IL16: variants seen among roughly 807,000 people sequenced by gnomAD.
The protein encoded by IL16 is interleukin 16.
IL16 carries 67 observed loss-of-function variants against 110.1 expected under a neutral mutation model. The ratio of observed to expected loss-of-function variants is 0.61; its 90% CI spans 0.50 to 0.75. The LOEUF (loss-of-function observed/expected upper bound fraction) is 0.75, where lower values mean the gene tolerates loss of function less well. Among genes scored for constraint, IL16 ranks in the 30% least tolerant of loss-of-function variants. IL16 has a pLI of 0.00. For missense variants in IL16, 1,545 were observed against 1,655.0 expected, an observed-to-expected ratio of 0.93 and a Z score of 1.15; for synonymous variants, 689 against 662.9, an observed-to-expected ratio of 1.04 and a Z score of -0.61.
At position 81,285,788 on chromosome 15, in the gene IL16, C is replaced by T. The variant is rs772041105; in HGVS notation, c.1290C>T (p.Pro430=). 3.6e-5 allele frequency: 58 copies of T among 1,614,016 alleles called. No homozygotes were observed. The highest frequency in any genetic ancestry group is 8.8e-5 in the South Asian group (8 of 91,082). The part of the protein sequence containing the change: ...EVYTILSHCD[P]GPVPIIVSRH... ...ACACGATCCTGAGTCACTGTGATCC[C>T]GGTCCAGTCCCCATCATTGTTAGCC... Residue 430 remains proline, a synonymous_variant, in exon 10 of 19, where the codon CCC becomes CCT. Coordinates refer to ENST00000683961, the MANE Select transcript of IL16 (RefSeq NM_172217.5).
intron 2 of IL16, among the ~76,000 whole-genome samples, chr15:81,247,530 A>C (rs1236498738): frequency 6.6e-6 from 1 of 152,224 alleles, no homozygotes; most frequent in African/African-American, 2.4e-5. Context: ...CATATTCACA[A>C]GAAGTTGCAA....
intron 1 of IL16, among the ~76,000 whole-genome samples, chr15:81,212,346 C>T (rs1482381155): frequency 6.6e-6 from 1 of 151,898 alleles, no homozygotes; most frequent in Non-Finnish European, 1.5e-5. Flanking sequence ...AGTTATAATA[C>T]CATCTTTATT....
At chr15:81,293,496 T>A (rs767645929) in intron 12 of IL16, among the ~76,000 whole-genome samples, 19 of 150,896 alleles carry the variant, frequency 1.3e-4, no homozygotes, top group Non-Finnish European at 2.4e-4. Flanking sequence ...AGCTCAGGAG[T>A]TCAAGACCAG....
chr15:81,298,088 G>A (rs1405679494), intron 13 of IL16, among the ~76,000 whole-genome samples: 1 of 152,188 alleles, frequency 6.6e-6, no homozygotes, highest in Non-Finnish European at 1.5e-5. Flanking sequence ...ACTCCAATCT[G>A]CAAAGGGCTT....
intron 11 of IL16, 73 bp downstream of exon 11, chr15:81,290,613 C>A: frequency 1.0e-6 from 1 of 987,706 alleles, no homozygotes; most frequent in Non-Finnish European, 1.6e-6. Flanking sequence ...TCCATTAACT[C>A]ATCCTCTATC....
intron 2 of IL16, among the ~76,000 whole-genome samples, chr15:81,231,372 CT>C (rs1291768098): frequency 1.5e-3 from 216 of 147,240 alleles, no homozygotes; most frequent in Non-Finnish European, 2.6e-3. Flanking sequence ...CTCTCTCTCT[CT>C]CTCTCTCTCC....
chr15:81,279,260 T>A (rs1899055544), intron 7 of IL16, among the ~76,000 whole-genome samples: 1 of 151,926 alleles, frequency 6.6e-6, no homozygotes, highest in Non-Finnish European at 1.5e-5. Flanking sequence ...TATCAATCAA[T>A]CTATCTATCT....
At chr15:81,200,126 G>T (rs1376010926) in intron 1 of IL16, among the ~76,000 whole-genome samples, 1 of 151,886 alleles carries the variant, frequency 6.6e-6, no homozygotes, top group Non-Finnish European at 1.5e-5. Flanking sequence ...GATTGCATCA[G>T]GTTCTTAGCA....
intron 14 of IL16, among the ~76,000 whole-genome samples, chr15:81,300,867 A>C (rs1028883762): frequency 6.6e-6 from 1 of 152,210 alleles, no homozygotes; most frequent in African/African-American, 2.4e-5. Context: ...ATCCATCAGG[A>C]ATTCTTACTC....
chr15:81,225,712 G>A lies in IL16; in HGVS notation c.312+1G>A. The A allele has an allele frequency of 6.3e-7, 1 of 1,597,202 alleles. No homozygotes were observed. The highest frequency in any genetic ancestry group is 8.6e-7 in the Non-Finnish European group (1 of 1,168,038). On this transcript the variant is annotated splice_donor_variant, in intron 2 of 18. Coordinates refer to ENST00000683961, the MANE Select transcript of IL16 (RefSeq NM_172217.5). LOFTEE classifies it high-confidence loss of function. ...CTGTAGGAGGATATTCTTCATGAAG[G>A]TATGCCCAGGCTTTGCAGGCCTGAA...
At chr15:81,233,549 C>A (rs146085584) in intron 2 of IL16, among the ~76,000 whole-genome samples, 2 of 149,458 alleles carry the variant, frequency 1.3e-5, no homozygotes, top group African/African-American at 4.9e-5. Context: ...GAATGTATTG[C>A]GAATGATTTT....
intron 2 of IL16, among the ~76,000 whole-genome samples, chr15:81,250,420 G>C (rs761098854): frequency 6.6e-6 from 1 of 152,144 alleles, no homozygotes; most frequent in Non-Finnish European, 1.5e-5. Context: ...CAAGTGATCT[G>C]CCCACCTCAG....
At position 81,282,650 on chromosome 15, in the gene IL16, G is replaced by A. The variant is rs749872768; in HGVS notation, c.1093G>A (p.Gly365Ser). Residue 365 changes from glycine to serine, a missense_variant, in exon 9 of 19, where the codon GGC becomes AGC. Physicochemically the swap from Gly to Ser is moderately conservative, Grantham distance 56 (BLOSUM62 0). Around this residue, in one of 3 missense-constraint regions of IL16, gnomAD observed 1,185 missense variants for 1,238.8 expected, o/e 0.96. Transcript: ENST00000683961. ...EVSLQKEAGV[G>S]LGIGLCSVPY... is the part of the protein sequence containing the mutation. ...TGTTCTGCTTCCAGAGGCCGGCGTG[G>A]GCCTGGGCATCGGCCTGTGCAGCGT... The A allele has an allele frequency of 3.7e-6, 6 of 1,612,920 alleles. 1 individual carries two copies. The South Asian group carries it at 6.6e-5, about 18-fold the overall frequency.
intron 4 of IL16, among the ~76,000 whole-genome samples, chr15:81,268,105 G>T (rs1898472321): frequency 6.6e-6 from 1 of 152,242 alleles, no homozygotes; most frequent in Non-Finnish European, 1.5e-5. Context: ...GAGAGAAGAA[G>T]AGAAAGTGGG....
chr15:81,291,782 C>T (rs1016331251), intron 11 of IL16: 1 of 399,596 alleles, frequency 2.5e-6, no homozygotes, highest in East Asian at 7.2e-5. Flanking sequence ...CGGCTTTCTG[C>T]CCTCACCTCA....
intron 1 of IL16, among the ~76,000 whole-genome samples, chr15:81,223,606 G>A (rs1286712872): frequency 6.6e-6 from 1 of 152,228 alleles, no homozygotes; most frequent in Non-Finnish European, 1.5e-5. Flanking sequence ...GTAAAATGAG[G>A]ATATTGATGG....
intron 8 of IL16, among the ~76,000 whole-genome samples, chr15:81,281,403 A>C (rs554960545): frequency 6.6e-6 from 1 of 152,176 alleles, no homozygotes; most frequent in Admixed American, 6.5e-5. Flanking sequence ...TCTCCCACAC[A>C]CTGGGGGATC....
At position 81,307,202 on chromosome 15, in the gene IL16, A is replaced by G. The variant is rs148784512; in HGVS notation, c.3805+657A>G. Among the ~76,000 whole-genome samples, 300 of 152,330 alleles carry G rather than the reference A, an allele frequency of 2.0e-3. 1 individual carries two copies. The highest frequency in any genetic ancestry group is 6.8e-3 in the African/African-American group (284 of 41,578). On this transcript the variant is annotated intron_variant, in intron 18 of 18. Coordinates refer to ENST00000683961, the MANE Select transcript of IL16 (RefSeq NM_172217.5). ...GGTGTTCCTCAAATTGGAGGTCTCCAAGCCACAGAGCAAGGGGTTGTAGAG... is the reference window on the plus strand; with the variant it reads ...GGTGTTCCTCAAATTGGAGGTCTCCGAGCCACAGAGCAAGGGGTTGTAGAG...
chr15:81,227,964 G>A (rs1275232077), intron 2 of IL16, among the ~76,000 whole-genome samples: 2 of 152,290 alleles, frequency 1.3e-5, no homozygotes, highest in East Asian at 3.9e-4. Flanking sequence ...GTAGGGGAAG[G>A]AGGTGCCCTG....
Sources: gnomAD v4.1 joint callset for allele counts (sites outside exome capture counted in the v4.1 genomes callset) on GRCh38, gnomAD v4.1.1 for gene constraint, gnomAD v4.1.1 regional missense constraint, MANE v1.5 for transcripts, NCBI Gene and HGNC (gene_info 2026-07-23, HGNC 2026-07-21) for gene names.